The following TMEM230 variants were observed in gnomAD, a reference collection of about 807,000 sequenced individuals.
TMEM230 encodes the protein transmembrane protein 230.
Under a neutral mutation model 15.8 loss-of-function variants are expected in TMEM230, and 10 were observed. The ratio of observed to expected loss-of-function variants is 0.63; its 90% CI spans 0.39 to 1.07. TMEM230 has a LOEUF of 1.07. TMEM230 is among the 50% of genes least tolerant of loss of function. TMEM230 has a pLI of 0.01. For missense variants in TMEM230, 165 were observed against 193.3 expected (o/e 0.85, Z 0.87); for synonymous variants, 67 against 76.9 (o/e 0.87, Z 0.68).
chr20:5,098,097 C>T (rs894387797), downstream of TMEM230, among the ~76,000 whole-genome samples: 1 of 149,922 alleles, frequency 6.7e-6, no homozygotes, highest in African/African-American at 2.4e-5. Flanking sequence ...CCTGCCTTAG[C>T]CTCCCAAGTA....
At chr20:5,101,429 C>CT (rs1218662706) in intron 4 of TMEM230, among the ~76,000 whole-genome samples, 17 of 150,798 alleles carry the variant, frequency 1.1e-4, no homozygotes, top group South Asian at 2.1e-4. Context: ...TCTCTTTTTT[C>CT]TTTTTTTTTG....
At chr20:5,087,906 G>A (rs2089394106) in intron 3 of TMEM230, among the ~76,000 whole-genome samples, 1 of 148,850 alleles carries the variant, frequency 6.7e-6, no homozygotes, top group Admixed American at 6.7e-5. Context: ...TTGGCCAGGT[G>A]AGTCTCAAAC....
the TMEM230 span, chr20:5,061,286 A>C: frequency 2.0e-5 from 3 of 151,898 alleles, no homozygotes; most frequent in African/African-American, 7.3e-5. Flanking sequence ...TGATCACAAC[A>C]CTCTTTGCCA....
rs1242518615 is a variant in TMEM230, at chr20:5,113,037, C to T, written c.-9G>A. The stretch of plus-strand genomic sequence containing the variant: ...AGCGCCCAAGGTTGCATGGCATGGC[C>T]CGCTTAAGTGCCACTCAGCCGGCCC... On this transcript the variant is annotated 5_prime_UTR_variant, in exon 1 of 5. Coordinates refer to ENST00000342308, the MANE Select transcript of TMEM230 (RefSeq NM_001009923.2). 1 of 1,545,820 alleles carries T rather than the reference C, an allele frequency of 6.5e-7. No homozygotes were observed. Among genetic ancestry groups the T allele is most frequent in the Non-Finnish European group, 8.7e-7 (1 of 1,146,652 alleles).
chr20:5,077,615 C>G (rs1485978227), intron 3 of TMEM230, among the ~76,000 whole-genome samples: 3 of 152,034 alleles, frequency 2.0e-5, no homozygotes, highest in Non-Finnish European at 4.4e-5. Flanking sequence ...GGGTGGATCA[C>G]TTGAGGTCAG....
intron 4 of TMEM230, among the ~76,000 whole-genome samples, chr20:5,105,067 T>C (rs112662484): frequency 6.6e-6 from 1 of 152,228 alleles, no homozygotes; most frequent in Non-Finnish European, 1.5e-5. Flanking sequence ...GGCAGGCCGC[T>C]TGAGGTCAGG....
In TMEM230 at chr20:5,112,840, G is replaced by A. The variant is rs2090381994; in HGVS notation, c.68+121C>T. On this transcript the variant is annotated intron_variant, in intron 1 of 4. Coordinates refer to ENST00000342308, the MANE Select transcript of TMEM230 (RefSeq NM_001009923.2). ...TTCTGGAAAGAGGCCAACTGTGCCAGGGGGGACGAATGCCCCACACGGATG... is the reference window on the plus strand; with the variant it reads ...TTCTGGAAAGAGGCCAACTGTGCCAAGGGGGACGAATGCCCCACACGGATG... 1.1e-5 allele frequency: 17 copies of A among 1,540,142 alleles called. No individual in the cohort carries two copies. In the East Asian group the frequency reaches 2.9e-4, roughly 27 times the overall value.
chr20:5,063,063 A>G, the TMEM230 span, among the ~76,000 whole-genome samples: 2 of 152,056 alleles, frequency 1.3e-5, no homozygotes, highest in African/African-American at 4.8e-5. Flanking sequence ...GATGGACTCC[A>G]GGACAGTGAA....
chr20:5,109,269 G>A (rs2090215696), intron 3 of TMEM230, 63 bp downstream of exon 2: 2 of 1,333,092 alleles, frequency 1.5e-6, no homozygotes, highest in East Asian at 4.7e-5. Context: ...CATCTGGAAG[G>A]TCTTCCTGCT....
At position 5,113,031 on chromosome 20, in the gene TMEM230, C is replaced by A; in HGVS notation, c.-3G>T. ...GTTGGCAGCGCCCAAGGTTGCATGG[C>A]ATGGCCCGCTTAAGTGCCACTCAGC... On this transcript the variant is annotated 5_prime_UTR_variant, in exon 1 of 5. An upstream start codon of the reference 5' UTR is lost. Transcript: ENST00000342308. The A allele has an allele frequency of 6.5e-7, 1 of 1,547,218 alleles. No individual in the cohort carries two copies. Among genetic ancestry groups the A allele is most frequent in the East Asian group, 2.4e-5 (1 of 40,938 alleles).
At chr20:5,072,049 C>G (rs894825084) in intron 3 of TMEM230, among the ~76,000 whole-genome samples, 4 of 151,218 alleles carry the variant, frequency 2.6e-5, no homozygotes, top group Admixed American at 1.3e-4. Context: ...CTGCGCCCAG[C>G]CTTTTTTGAG....
At chr20:5,084,196 C>A (rs893594812) in intron 3 of TMEM230, among the ~76,000 whole-genome samples, 1 of 151,032 alleles carries the variant, frequency 6.6e-6, no homozygotes, top group East Asian at 1.9e-4. Flanking sequence ...CGATCTTATT[C>A]TTTTTATGGC....
At chr20:5,060,330 G>GAC in the TMEM230 span, among the ~76,000 whole-genome samples, 1 of 125,420 alleles carries the variant, frequency 8.0e-6, no homozygotes, top group African/African-American at 2.9e-5. Flanking sequence ...ACAGTGTATT[G>GAC]TCTTTTTTTT....
At position 5,093,271 on chromosome 20, in the gene TMEM230, A is replaced by G. The variant is rs186408508; in HGVS notation, c.222+12917T>C. Among the ~76,000 whole-genome samples, 5 of 152,346 alleles carry G rather than the reference A, an allele frequency of 3.3e-5. No homozygotes were observed. In the East Asian group the frequency reaches 9.6e-4, roughly 29 times the overall value. On this transcript the variant is annotated intron_variant, in intron 3 of 3. Transcript: ENST00000612323. ...TTATTTTAATTTTGTTATTTTGTAG[A>G]GAGAGGGTCTATGTCGCCCAGGCTG... is the stretch of plus-strand genomic sequence containing the variant.
chr20:5,060,570 C>A, the TMEM230 span, among the ~76,000 whole-genome samples: 1 of 152,000 alleles, frequency 6.6e-6, no homozygotes, highest in Non-Finnish European at 1.5e-5. Flanking sequence ...CTCCTGAGCT[C>A]AAGTGATCTG....
intron 3 of TMEM230, among the ~76,000 whole-genome samples, chr20:5,087,837 C>T (rs980999683): frequency 2.7e-5 from 4 of 148,038 alleles, no homozygotes; most frequent in East Asian, 4.4e-4. Flanking sequence ...GGATTACAGG[C>T]GTGTACCACC....
intron 3 of TMEM230, among the ~76,000 whole-genome samples, chr20:5,093,512 G>T (rs1352414204): frequency 6.6e-6 from 1 of 150,754 alleles, no homozygotes; most frequent in Admixed American, 6.6e-5. Context: ...ACGTGCTGGG[G>T]TTACAGGCAT....
downstream of TMEM230, chr20:5,066,028 T>TC (rs1339688618): frequency 1.3e-5 from 2 of 152,308 alleles, no homozygotes; most frequent in Non-Finnish European, 2.9e-5. Context: ...GGCCTTCGCC[T>TC]CCCCATGCTG....
rs11549112 is a variant in TMEM230 at position 5,100,878 on chromosome 20, G to A, written c.465C>T (p.Pro155=). 37 of 1,614,158 alleles carry A rather than the reference G, an allele frequency of 2.3e-5. No homozygotes were observed. Among genetic ancestry groups the A allele is most frequent in the African/African-American group, 1.1e-4 (8 of 75,050 alleles). Residue 155 remains proline, a synonymous_variant, in exon 5 of 5, where the codon CCC becomes CCT. Coordinates refer to ENST00000342308, the MANE Select transcript of TMEM230 (RefSeq NM_001009923.2). ...AAGCGATGCGCAGGTGGTAAAATCC[G>A]GGTAGGAACACCAGAATGCCAATGA...
Sources: gnomAD v4.1 joint callset for allele counts (sites outside exome capture counted in the v4.1 genomes callset) on GRCh38, gnomAD v4.1.1 for gene constraint, MANE v1.5 for transcripts, NCBI Gene and HGNC (gene_info 2026-07-23, HGNC 2026-07-21) for gene names.